CHKA: variants seen among roughly 807,000 people sequenced by gnomAD.
CHKA encodes CHETK-alpha.
A neutral mutation model predicts 60.1 loss-of-function variants in CHKA; 34 were observed. That is an observed-to-expected ratio of 0.57 (90% CI 0.43 to 0.75). CHKA has a LOEUF of 0.75. Among genes scored for constraint, CHKA ranks in the 30% least tolerant of loss-of-function variants. The pLI is 0.00. For missense variants in CHKA, 563 were observed against 561.3 expected (o/e 1.00, Z -0.03); for synonymous variants, 217 against 223.1 (o/e 0.97, Z 0.24).
intron 1 of CHKA, among the ~76,000 whole-genome samples, chr11:68,112,764 T>C (rs904778905): frequency 2.6e-5 from 4 of 152,086 alleles, no homozygotes; most frequent in African/African-American, 9.7e-5. Flanking sequence ...AACTCAAGAA[T>C]AGGAAAACAC....
intron 4 of CHKA, among the ~76,000 whole-genome samples, chr11:68,071,994 C>G (rs1038307892): frequency 3.2e-4 from 49 of 152,194 alleles, no homozygotes; most frequent in Admixed American, 1.6e-3. Flanking sequence ...AACAGGGCCT[C>G]CACTTCCAGC....
intron 1 of CHKA, among the ~76,000 whole-genome samples, chr11:68,100,913 A>C (rs980429085): frequency 2.0e-5 from 3 of 150,576 alleles, no homozygotes; most frequent in Admixed American, 2.0e-4. Context: ...ATACTAAGGG[A>C]ATAACAAGCA....
At chr11:68,094,806 T>C (rs981903021) in intron 2 of CHKA, among the ~76,000 whole-genome samples, 1 of 152,190 alleles carries the variant, frequency 6.6e-6, no homozygotes, top group Admixed American at 6.5e-5. Flanking sequence ...AATAGCTACG[T>C]ACCTTCAAAC....
intron 1 of CHKA, among the ~76,000 whole-genome samples, chr11:68,099,087 A>G (rs563305641): frequency 6.6e-5 from 10 of 152,328 alleles, no homozygotes; most frequent in African/African-American, 2.4e-4. Flanking sequence ...AAAAGACCAC[A>G]TGTTATATGA....
At chr11:68,090,147 T>C (rs140486198) in intron 2 of CHKA, among the ~76,000 whole-genome samples, 2 of 152,338 alleles carry the variant, frequency 1.3e-5, no homozygotes, top group Non-Finnish European at 2.9e-5. Flanking sequence ...AAAGCAGGTA[T>C]GGAAGGACTA....
At chr11:68,056,264 T>C (rs575046487) in intron 11 of CHKA, among the ~76,000 whole-genome samples, 1 of 152,314 alleles carries the variant, frequency 6.6e-6, no homozygotes, top group African/African-American at 2.4e-5. Flanking sequence ...CCAGGGTCCC[T>C]GGCTCATAAC....
chr11:68,070,787 G>C lies in CHKA; in HGVS notation c.701C>G (p.Thr234Arg). 1 of 1,613,108 alleles carries C rather than the reference G, an allele frequency of 6.2e-7. No homozygotes were observed. Among genetic ancestry groups the C allele is most frequent in the Non-Finnish European group, 8.5e-7 (1 of 1,179,126 alleles). The change falls in exon 5 of 12, where the codon ACA becomes AGA. Residue 234 changes from threonine (T) to arginine (R), a missense_variant. Physicochemically the swap from Thr to Arg is moderately conservative, Grantham distance 71. Transcript: ENST00000265689. ...ISAEIAEKMATFHGMKMPFNK... is the reference protein window; with the variant it reads ...ISAEIAEKMARFHGMKMPFNK... The stretch of plus-strand genomic sequence containing the variant: ...GAATGGCATTTTCATACCATGAAAT[G>C]TAGCCATTTTCTCGGCGATTTCTGC...
intron 2 of CHKA, among the ~76,000 whole-genome samples, chr11:68,084,404 ATATATGTG>A (rs1565183342): frequency 1.1e-5 from 1 of 90,202 alleles, no homozygotes; most frequent in Non-Finnish European, 2.2e-5. Context: ...ACATATACGT[ATATATGTG>A]TATATATATA....
chr11:68,080,170 A>G (rs1363656512), intron 3 of CHKA, among the ~76,000 whole-genome samples: 1 of 152,196 alleles, frequency 6.6e-6, no homozygotes, highest in Non-Finnish European at 1.5e-5. Flanking sequence ...ATTGTCAATC[A>G]CTTCCCACCC....
chr11:68,086,246 C>T (rs546645147), intron 2 of CHKA, among the ~76,000 whole-genome samples: 33 of 151,944 alleles, frequency 2.2e-4, no homozygotes, highest in African/African-American at 7.0e-4. Context: ...CCCAGGAGGC[C>T]GAGGTTGCAG....
intron 11 of CHKA, among the ~76,000 whole-genome samples, chr11:68,060,137 C>T (rs1856177707): frequency 6.6e-6 from 1 of 151,538 alleles, no homozygotes; most frequent in African/African-American, 2.4e-5. Flanking sequence ...TGCCATTCTC[C>T]TGCCTCAGCC....
At chr11:68,116,003 C>T (rs143349743) in intron 1 of CHKA, among the ~76,000 whole-genome samples, 211 of 152,244 alleles carry the variant, frequency 1.4e-3, no homozygotes, top group African/African-American at 4.9e-3. Context: ...GTGAGTTTTA[C>T]TGCATTAATT....
Position 68,121,185 on chromosome 11 carries a change from A to T in CHKA, c.-8T>A. On this transcript the variant is annotated 5_prime_UTR_variant, in exon 1 of 12. Transcript: ENST00000265689. ...GCAGAATTTGGTTTTCATGCCCGAC[A>T]GGCGGCCGAGGAGGCGCGGGCGGCC... 1 of 1,170,114 alleles carries T rather than the reference A, an allele frequency of 8.5e-7. No individual in the cohort carries two copies. The highest frequency in any genetic ancestry group is 4.8e-5 in the East Asian group (1 of 20,760). The allele number at this position is 1,170,114 out of a possible 1,614,324, so 72.5% of individuals were successfully genotyped here. A position where few individuals can be genotyped will look rare whatever the true frequency, so the allele number is the denominator to read the frequency against.
rs1255253508 is a variant in CHKA, at chr11:68,121,206, C to G, written c.-29G>C. Reference sequence around the variant, plus strand: ...CGACAGGCGGCCGAGGAGGCGCGGGCGGCCGCAGCGCGAGAGGACTAGGCT... The same window carrying G: ...CGACAGGCGGCCGAGGAGGCGCGGGGGGCCGCAGCGCGAGAGGACTAGGCT... On this transcript the variant is annotated 5_prime_UTR_variant, in exon 1 of 12. Coordinates refer to ENST00000265689, the MANE Select transcript of CHKA (RefSeq NM_001277.3). 8.7e-7 allele frequency: 1 copy of G among 1,146,856 alleles called. No homozygotes were observed. Among genetic ancestry groups the G allele is most frequent in the Non-Finnish European group, 1.1e-6 (1 of 933,078 alleles). 71.0% of individuals were successfully genotyped at this position (1,146,856 alleles called of 1,614,324 possible). A position where few individuals can be genotyped will look rare whatever the true frequency, so the allele number is the denominator to read the frequency against.
intron 1 of CHKA, among the ~76,000 whole-genome samples, chr11:68,119,636 A>C (rs1280888420): frequency 1.3e-5 from 2 of 151,940 alleles, no homozygotes; most frequent in Non-Finnish European, 2.9e-5. Context: ...TGCCCAGCTA[A>C]TTTTTGTATT....
chr11:68,063,156 A>T (rs188409363), intron 10 of CHKA, among the ~76,000 whole-genome samples: 2 of 152,198 alleles, frequency 1.3e-5, no homozygotes, highest in African/African-American at 4.8e-5. Context: ...GGAGAAACTT[A>T]AGAGTTAAAA....
intron 2 of CHKA, among the ~76,000 whole-genome samples, chr11:68,087,355 G>A (rs1857212713): frequency 6.6e-6 from 1 of 152,008 alleles, no homozygotes; most frequent in Non-Finnish European, 1.5e-5. Flanking sequence ...GGTGGCAAGT[G>A]CCTGTAATCT....
chr11:68,087,060 T>C (rs994031501), intron 2 of CHKA, among the ~76,000 whole-genome samples: 1 of 152,166 alleles, frequency 6.6e-6, no homozygotes, highest in Non-Finnish European at 1.5e-5. Context: ...AAACGTCCAA[T>C]ACTACATGAG....
intron 2 of CHKA, among the ~76,000 whole-genome samples, chr11:68,091,014 G>C (rs887270227): frequency 6.6e-6 from 1 of 152,136 alleles, no homozygotes; most frequent in Non-Finnish European, 1.5e-5. Flanking sequence ...TGATAAATAA[G>C]CAAACTGGTT....
Sources: gnomAD v4.1 joint callset for allele counts (sites outside exome capture counted in the v4.1 genomes callset) on GRCh38, gnomAD v4.1.1 for gene constraint, MANE v1.5 for transcripts, NCBI Gene and HGNC (gene_info 2026-07-23, HGNC 2026-07-21) for gene names.